GRXCR2: variants seen among roughly 807,000 people sequenced by gnomAD.
The protein encoded by GRXCR2 is glutaredoxin domain-containing cysteine-rich protein 2.
GRXCR2 carries 23 observed loss-of-function variants against 24.8 expected under a neutral mutation model. That is an observed-to-expected ratio of 0.93 (90% confidence interval 0.67 to 1.32). The LOEUF is 1.32. Ranked by LOEUF, GRXCR2 falls within the 40% of genes most tolerant of loss-of-function variation. The pLI is 0.00. For synonymous variants in GRXCR2, 130 were observed against 116.1 expected (o/e 1.12, Z -0.77); for missense variants, 315 against 303.4 (o/e 1.04, Z -0.28).
downstream of GRXCR2, chr5:145,858,382 C>T (rs1182940148): frequency 6.8e-6 from 1 of 147,836 alleles, no homozygotes; most frequent in African/African-American, 2.5e-5. Context: ...TCTGAAAAGT[C>T]AGAAGAGCCA....
intron 2 of GRXCR2, among the ~76,000 whole-genome samples, chr5:145,930,153 C>T (rs1360221829): frequency 1.3e-5 from 2 of 152,074 alleles, no homozygotes; most frequent in East Asian, 1.9e-4. Flanking sequence ...GGTGCAATCT[C>T]AGCTCACTGC....
At chr5:145,907,585 A>G (rs1261702637) in intron 2 of GRXCR2, among the ~76,000 whole-genome samples, 1 of 152,072 alleles carries the variant, frequency 6.6e-6, no homozygotes, top group Admixed American at 6.6e-5. Flanking sequence ...CACATCGAGT[A>G]TAAAGAAGGG....
At chr5:145,889,199 A>G (rs892838548) in intron 2 of GRXCR2, among the ~76,000 whole-genome samples, 2 of 148,812 alleles carry the variant, frequency 1.3e-5, no homozygotes, top group Non-Finnish European at 3.0e-5. Flanking sequence ...AAAGAAAGAA[A>G]GAAAGAAAGA....
chr5:145,927,360 T>C lies in GRXCR2; in HGVS notation c.-70+8341A>G, dbSNP rs1367744856. On this transcript the variant is annotated intron_variant, in intron 2 of 3. Coordinates refer to the GRXCR2 transcript ENST00000639411. ...TGCCCATTCAGTATGATATTGGCTG[T>C]GGGTTTGTCATAAATAGCTCTTATT... is the stretch of plus-strand genomic sequence containing the variant. 2.0e-5 allele frequency among the ~76,000 whole-genome samples: 3 copies of C among 152,194 alleles called. No individual in the cohort carries two copies. In the East Asian group the frequency reaches 5.8e-4, roughly 29 times the overall value.
At chr5:145,928,861 C>T (rs1449527097) in intron 2 of GRXCR2, among the ~76,000 whole-genome samples, 1 of 151,630 alleles carries the variant, frequency 6.6e-6, no homozygotes, top group African/African-American at 2.4e-5. Context: ...ATATAACTAA[C>T]CTGCACATGT....
At chr5:145,879,095 A>T (rs1756660746) in intron 2 of GRXCR2, among the ~76,000 whole-genome samples, 1 of 152,202 alleles carries the variant, frequency 6.6e-6, no homozygotes, top group Non-Finnish European at 1.5e-5. Flanking sequence ...AAACATGCCA[A>T]ATTGTAAAGA....
intron 2 of GRXCR2, among the ~76,000 whole-genome samples, chr5:145,883,419 T>G (rs922916071): frequency 6.1e-4 from 93 of 152,320 alleles, no homozygotes; most frequent in African/African-American, 2.2e-3. Flanking sequence ...ATCCTCAACA[T>G]TTTGCATTTT....
intron 2 of GRXCR2, among the ~76,000 whole-genome samples, chr5:145,920,186 G>C (rs1012039898): frequency 6.6e-6 from 1 of 152,004 alleles, no homozygotes; most frequent in African/African-American, 2.4e-5. Flanking sequence ...TATTACTCCT[G>C]CTCCAAAATA....
intron 2 of GRXCR2, among the ~76,000 whole-genome samples, chr5:145,884,765 G>A (rs1756755060): frequency 6.6e-6 from 1 of 152,048 alleles, no homozygotes; most frequent in Non-Finnish European, 1.5e-5. Flanking sequence ...GCACTTGGGA[G>A]TTGGGAAAAA....
At chr5:145,880,998 C>G (rs977697756) in intron 2 of GRXCR2, among the ~76,000 whole-genome samples, 2 of 152,186 alleles carry the variant, frequency 1.3e-5, no homozygotes, top group African/African-American at 2.4e-5. Context: ...GCTAAAAACT[C>G]TCAATAAACT....
At chr5:145,878,277 G>A (rs560061335) in intron 2 of GRXCR2, among the ~76,000 whole-genome samples, 14 of 152,270 alleles carry the variant, frequency 9.2e-5, no homozygotes, top group African/African-American at 2.2e-4. Context: ...CAAACCCATT[G>A]CAAGGAAGAT....
intron 2 of GRXCR2, among the ~76,000 whole-genome samples, chr5:145,861,265 T>C (rs925493290): frequency 6.6e-6 from 1 of 152,154 alleles, no homozygotes; most frequent in Non-Finnish European, 1.5e-5. Flanking sequence ...GATTGTCACA[T>C]AGAAAGCAAT....
At chr5:145,912,034 C>T (rs1312354967) in intron 2 of GRXCR2, among the ~76,000 whole-genome samples, 1 of 152,214 alleles carries the variant, frequency 6.6e-6, no homozygotes, top group Non-Finnish European at 1.5e-5. Context: ...GAGATCGAAG[C>T]TGCAGTGAGC....
intron 2 of GRXCR2, among the ~76,000 whole-genome samples, chr5:145,905,495 A>G (rs1000211750): frequency 6.6e-6 from 1 of 152,204 alleles, no homozygotes; most frequent in Non-Finnish European, 1.5e-5. Context: ...AACTGCCTGT[A>G]TGGTGTAGAG....
chr5:145,885,573 G>A lies in GRXCR2; in HGVS notation c.-69-18845C>T, dbSNP rs1254950237. On this transcript the variant is annotated intron_variant, in intron 2 of 3. Transcript: ENST00000639411. ...ACAGAGCTAGTAGTTATTTTGGGGT[G>A]AAAATGCTAATAATATAAGTTTGGA... Among the ~76,000 whole-genome samples the A allele has an allele frequency of 2.0e-5, 3 of 152,198 alleles. No homozygotes were observed. The East Asian group carries it at 5.8e-4, about 29-fold the overall frequency.
At chr5:145,899,562 C>T (rs1756997437) in intron 2 of GRXCR2, among the ~76,000 whole-genome samples, 1 of 151,990 alleles carries the variant, frequency 6.6e-6, no homozygotes, top group Non-Finnish European at 1.5e-5. Context: ...AAAACAGATA[C>T]ATAAACCTAT....
chr5:145,866,581 C>G lies in GRXCR2; in HGVS notation c.484G>C (p.Glu162Gln), dbSNP rs1756440761. 1 of 1,614,036 alleles carries G rather than the reference C, an allele frequency of 6.2e-7. No individual in the cohort carries two copies. The highest frequency in any genetic ancestry group is 8.5e-7 in the Non-Finnish European group (1 of 1,180,012). The change falls in exon 2 of 3, where the codon GAA (glutamate) becomes CAA (glutamine). Residue 162 changes from glutamate to glutamine, a missense_variant. Physicochemically the swap from Glu to Gln is conservative, Grantham distance 29. Coordinates refer to ENST00000377976, the MANE Select transcript of GRXCR2 (RefSeq NM_001080516.2). ...AEEESLMNKEESYGGRDQHDR... is the reference protein window; with the variant it reads ...AEEESLMNKEQSYGGRDQHDR... ...TGCTGGTCCCTGCCTCCATAGCTTT[C>G]TTCTTTGTTCATCAGAGACTCTTCC...
intron 1 of GRXCR2, among the ~76,000 whole-genome samples, chr5:145,871,087 A>AG (rs774561191): frequency 6.6e-6 from 1 of 152,132 alleles, no homozygotes; most frequent in Non-Finnish European, 1.5e-5. Flanking sequence ...GAAAAAAAAA[A>AG]TTATACATTT....
At chr5:145,924,451 C>T (rs1015840582) in intron 2 of GRXCR2, among the ~76,000 whole-genome samples, 2 of 152,130 alleles carry the variant, frequency 1.3e-5, no homozygotes, top group Admixed American at 6.6e-5. Flanking sequence ...CTGTTTCAGG[C>T]TTATCTCCCT....
Sources: gnomAD v4.1 joint callset for allele counts (sites outside exome capture counted in the v4.1 genomes callset) on GRCh38, gnomAD v4.1.1 for gene constraint, MANE v1.5 for transcripts, NCBI Gene and HGNC (gene_info 2026-07-23, HGNC 2026-07-21) for gene names.